PPM1E: variants seen among roughly 807,000 people sequenced by gnomAD.
The protein encoded by PPM1E is protein phosphatase 1E.
Under a neutral mutation model 65.9 loss-of-function variants are expected in PPM1E, and 20 were observed. The ratio of observed to expected loss-of-function variants is 0.30; its 90% CI spans 0.21 to 0.44. The LOEUF is 0.44. Ranked by LOEUF, PPM1E falls within the 20% of genes least tolerant of loss-of-function variation. PPM1E has a pLI of 1.00. For missense variants in PPM1E, 713 were observed against 953.1 expected (o/e 0.75, Z 3.32); for synonymous variants, 352 against 374.9 (o/e 0.94, Z 0.70).
intron 2 of PPM1E, among the ~76,000 whole-genome samples, chr17:58,962,330 A>G (rs1379017638): frequency 1.3e-5 from 2 of 151,278 alleles, no homozygotes; most frequent in Non-Finnish European, 3.0e-5. Flanking sequence ...GTTAGTAGCT[A>G]CTGTACTTGA....
At chr17:58,807,956 A>G (rs543420680) in intron 1 of PPM1E, among the ~76,000 whole-genome samples, 1 of 152,330 alleles carries the variant, frequency 6.6e-6, no homozygotes, top group African/African-American at 2.4e-5. Flanking sequence ...TTTAACTGGT[A>G]CAACCACTTT....
intron 1 of PPM1E, among the ~76,000 whole-genome samples, chr17:58,893,511 A>G (rs2143440522): frequency 6.6e-6 from 1 of 152,324 alleles, no homozygotes; most frequent in African/African-American, 2.4e-5. Context: ...TATTCTGTAG[A>G]ATGCTATAAA....
chr17:58,887,617 A>C (rs544553033), intron 1 of PPM1E, among the ~76,000 whole-genome samples: 140 of 152,352 alleles, frequency 9.2e-4, no homozygotes, highest in African/African-American at 3.2e-3. Flanking sequence ...AATGACAGAG[A>C]GATTTGTGTG....
At chr17:58,979,874 C>G in intron 6 of PPM1E, 100 bp from the exon 7 acceptor site, 1 of 915,692 alleles carries the variant, frequency 1.1e-6, no homozygotes, top group African/African-American at 1.7e-5. Flanking sequence ...AGTTCACAAT[C>G]CAGTAAGCTG....
intron 1 of PPM1E, among the ~76,000 whole-genome samples, chr17:58,878,647 T>C (rs1283444864): frequency 6.6e-6 from 1 of 151,336 alleles, no homozygotes; most frequent in Non-Finnish European, 1.5e-5. Context: ...AACTAACTTT[T>C]GCTGGCCAGG....
At chr17:58,787,881 TG>T (rs1410798009) in intron 1 of PPM1E, among the ~76,000 whole-genome samples, 1 of 140,856 alleles carries the variant, frequency 7.1e-6, no homozygotes, top group Non-Finnish European at 1.5e-5. Context: ...CACTCCAGCC[TG>T]GGCAACAGAG....
At chr17:58,967,330 TGAAAGGG>T (rs1289642690) in intron 3 of PPM1E, among the ~76,000 whole-genome samples, 1 of 152,106 alleles carries the variant, frequency 6.6e-6, no homozygotes, top group East Asian at 1.9e-4. Context: ...ATCTAAATCA[TGAAAGGG>T]AATGATAACT....
intron 1 of PPM1E, among the ~76,000 whole-genome samples, chr17:58,929,982 A>G (rs2051871104): frequency 6.6e-6 from 1 of 152,190 alleles, no homozygotes. Context: ...TATTTTCAAT[A>G]TCAGAAATTC....
At chr17:58,923,062 G>A (rs890667063) in intron 1 of PPM1E, among the ~76,000 whole-genome samples, 1 of 151,870 alleles carries the variant, frequency 6.6e-6, no homozygotes, top group Non-Finnish European at 1.5e-5. Context: ...AAGACAGCTG[G>A]ATCACTTGAG....
chr17:58,950,428 G>A (rs1300598789), intron 1 of PPM1E, among the ~76,000 whole-genome samples: 3 of 152,170 alleles, frequency 2.0e-5, no homozygotes, highest in Non-Finnish European at 4.4e-5. Context: ...AATCTATGTG[G>A]GAACTTTCCA....
intron 1 of PPM1E, among the ~76,000 whole-genome samples, chr17:58,937,900 GAAAGA>G (rs2052007339): frequency 1.7e-4 from 21 of 124,918 alleles, no homozygotes; most frequent in Admixed American, 3.1e-4. Context: ...AAAAAAGAAA[GAAAGA>G]AAAGAAAGAA....
In PPM1E at chr17:58,756,282, T is replaced by TGAG. The variant is rs544816257; in HGVS notation, c.299_301dup (p.Glu100dup). 16 of 1,540,002 alleles carry TGAG rather than the reference T, an allele frequency of 1.0e-5. No individual in the cohort carries two copies. Among genetic ancestry groups the TGAG allele is most frequent in the African/African-American group, 8.3e-5 (6 of 72,190 alleles). ...CCGAGGAGGAGGCGGCGGTTGAGGG[T>TGAG]GAGGAGGAGGAGGAGGGCGCGGCGA... On this transcript the variant is annotated inframe_insertion, in exon 1 of 7. Coordinates refer to ENST00000308249, the MANE Select transcript of PPM1E (RefSeq NM_014906.5).
chr17:58,891,434 T>G (rs2051343169), intron 1 of PPM1E, among the ~76,000 whole-genome samples: 2 of 152,168 alleles, frequency 1.3e-5, no homozygotes, highest in African/African-American at 4.8e-5. Flanking sequence ...GCAGTTCTCC[T>G]GCCTCAGCCT....
chr17:58,886,894 G>A (rs2051271815), intron 1 of PPM1E, among the ~76,000 whole-genome samples: 1 of 152,150 alleles, frequency 6.6e-6, no homozygotes. Context: ...GACTGTGCAT[G>A]TGTAGGGGCA....
chr17:58,845,201 T>C (rs2050758514), intron 1 of PPM1E, among the ~76,000 whole-genome samples: 1 of 152,170 alleles, frequency 6.6e-6, no homozygotes, highest in African/African-American at 2.4e-5. Flanking sequence ...TTAATTAGTA[T>C]TTTCAGGAAG....
chr17:58,891,563 C>T (rs1171255070), intron 1 of PPM1E, among the ~76,000 whole-genome samples: 1 of 151,426 alleles, frequency 6.6e-6, no homozygotes, highest in East Asian at 2.0e-4. Context: ...GACCTTGTCA[C>T]CCACCCATCT....
At chr17:58,872,162 T>C (rs2051078427) in intron 1 of PPM1E, among the ~76,000 whole-genome samples, 2 of 152,128 alleles carry the variant, frequency 1.3e-5, no homozygotes, top group South Asian at 2.1e-4. Flanking sequence ...CTGGGCATGG[T>C]GGCACGCACC....
At chr17:58,833,756 A>G (rs1417797130) in intron 1 of PPM1E, among the ~76,000 whole-genome samples, 1 of 152,136 alleles carries the variant, frequency 6.6e-6, no homozygotes, top group Non-Finnish European at 1.5e-5. Flanking sequence ...AGTATGGGTA[A>G]TCGGATTCCT....
chr17:58,871,909 C>T (rs2051075403), intron 1 of PPM1E, among the ~76,000 whole-genome samples: 1 of 151,968 alleles, frequency 6.6e-6, no homozygotes, highest in African/African-American at 2.4e-5. Flanking sequence ...TTAAAGATTA[C>T]AAATTTTGCT....
Sources: gnomAD v4.1 joint callset for allele counts (sites outside exome capture counted in the v4.1 genomes callset) on GRCh38, gnomAD v4.1.1 for gene constraint, MANE v1.5 for transcripts, NCBI Gene and HGNC (gene_info 2026-07-23, HGNC 2026-07-21) for gene names.